The following NEGR1 variants were observed in gnomAD, a reference collection of about 807,000 sequenced individuals.
NEGR1 encodes IgLON family member 4.
NEGR1 carries 10 observed loss-of-function variants against 40.9 expected under a neutral mutation model. That is an observed-to-expected ratio of 0.24 (90% CI 0.15 to 0.42). NEGR1 has a LOEUF of 0.42. Among genes scored for constraint, NEGR1 ranks in the 10% least tolerant of loss-of-function variants. The pLI, the probability that NEGR1 is intolerant of heterozygous loss-of-function variation, is 1.00. For missense variants in NEGR1, 352 were observed against 438.9 expected (o/e 0.80, Z 1.77); for synonymous variants, 185 against 166.8 (o/e 1.11, Z -0.84).
intron 6 of NEGR1, among the ~76,000 whole-genome samples, chr1:71,511,908 A>C (rs975517815): frequency 2.0e-5 from 3 of 152,204 alleles, no homozygotes; most frequent in Non-Finnish European, 4.4e-5. Context: ...TTTAGAATTA[A>C]AGTCAAAGAA....
At chr1:71,450,226 T>G (rs1646616295) in intron 6 of NEGR1, among the ~76,000 whole-genome samples, 1 of 151,626 alleles carries the variant, frequency 6.6e-6, no homozygotes, top group African/African-American at 2.4e-5. Flanking sequence ...CCTGACCTCT[T>G]GATCCACCCG....
rs115662607 is a variant in NEGR1, at chr1:71,587,883, T to C, written c.940+4934A>G. Among the ~76,000 whole-genome samples, 1,189 of 152,220 alleles carry C rather than the reference T, an allele frequency of 7.8e-3. 28 individuals are homozygous for C. Among genetic ancestry groups the C allele is most frequent in the African/African-American group, 0.028 (1,142 of 41,518 alleles). On this transcript the variant is annotated intron_variant, in intron 6 of 6. Coordinates refer to ENST00000357731, the MANE Select transcript of NEGR1 (RefSeq NM_173808.3). ...ACTCAATTTGTACCAAATATTTCCA[T>C]ATATTAGGTCTCAGGAGAGGGTTGT...
chr1:71,985,101 T>C (rs1456121260), intron 1 of NEGR1, among the ~76,000 whole-genome samples: 1 of 152,160 alleles, frequency 6.6e-6, no homozygotes, highest in African/African-American at 2.4e-5. Context: ...CTCCAGGATA[T>C]GGGATCTTAT....
chr1:71,819,776 T>C (rs1658359207), intron 2 of NEGR1, among the ~76,000 whole-genome samples: 1 of 151,984 alleles, frequency 6.6e-6, no homozygotes, highest in Non-Finnish European at 1.5e-5. Flanking sequence ...AGAATTGCCC[T>C]GGTAGGCTCT....
At chr1:71,428,120 C>T (rs1646441381) in intron 6 of NEGR1, among the ~76,000 whole-genome samples, 1 of 152,116 alleles carries the variant, frequency 6.6e-6, no homozygotes, top group Admixed American at 6.5e-5. Flanking sequence ...CTAATTATGG[C>T]AGAAAGTGAG....
At chr1:72,115,860 G>T (rs1649561486) in intron 1 of NEGR1, among the ~76,000 whole-genome samples, 1 of 151,682 alleles carries the variant, frequency 6.6e-6, no homozygotes, top group South Asian at 2.1e-4. Context: ...TGGGGTGGGT[G>T]CCAAAGCACT....
intron 2 of NEGR1, among the ~76,000 whole-genome samples, chr1:71,799,291 G>C (rs1031422795): frequency 6.6e-6 from 1 of 152,030 alleles, no homozygotes; most frequent in Non-Finnish European, 1.5e-5. Flanking sequence ...GAGACCACAC[G>C]GTGTTTGGTT....
At chr1:72,279,709 A>G (rs1023326155) in intron 1 of NEGR1, among the ~76,000 whole-genome samples, 2 of 152,232 alleles carry the variant, frequency 1.3e-5, no homozygotes, top group African/African-American at 4.8e-5. Flanking sequence ...GCATCACCTG[A>G]GTTGCCTATA....
intron 1 of NEGR1, among the ~76,000 whole-genome samples, chr1:72,191,682 T>G (rs577584708): frequency 6.6e-6 from 1 of 152,002 alleles, no homozygotes; most frequent in Non-Finnish European, 1.5e-5. Flanking sequence ...ATGATAAATT[T>G]TTCACAATGC....
At chr1:71,528,967 A>G (rs965263159) in intron 6 of NEGR1, among the ~76,000 whole-genome samples, 1 of 151,142 alleles carries the variant, frequency 6.6e-6, no homozygotes, top group African/African-American at 2.4e-5. Context: ...TTTTTGGTTT[A>G]TTTTTAGGTA....
At chr1:71,896,036 T>TA (rs908797990) in intron 2 of NEGR1, among the ~76,000 whole-genome samples, 1 of 39,170 alleles carries the variant, frequency 2.6e-5, no homozygotes, top group Middle Eastern at 0.014. Context: ...AACGTTTAAC[T>TA]TTTTTTTTTT....
At chr1:72,165,087 T>C (rs1651719987) in intron 1 of NEGR1, among the ~76,000 whole-genome samples, 1 of 152,056 alleles carries the variant, frequency 6.6e-6, no homozygotes, top group Admixed American at 6.6e-5. Context: ...ATCATTGGTA[T>C]TATATTAAAC....
intron 6 of NEGR1, among the ~76,000 whole-genome samples, chr1:71,412,183 C>G (rs775037986): frequency 8.5e-5 from 13 of 152,100 alleles, no homozygotes; most frequent in Non-Finnish European, 1.8e-4. Flanking sequence ...TATCCAGACT[C>G]ACACCGCTTC....
chr1:71,633,427 G>C (rs1322748711), intron 4 of NEGR1, among the ~76,000 whole-genome samples: 1 of 152,064 alleles, frequency 6.6e-6, no homozygotes, highest in Non-Finnish European at 1.5e-5. Context: ...TGCATCTTTT[G>C]TGATTATGTT....
At chr1:72,040,577 CAAAAAAAAAAAAAAAAAAAA>C (rs5775102) in intron 1 of NEGR1, among the ~76,000 whole-genome samples, 1 of 29,684 alleles carries the variant, frequency 3.4e-5, no homozygotes, top group Non-Finnish European at 5.9e-5. Context: ...GAGCACTGAC[CAAAAAAAAAAAAAAAAAAAA>C]AAAAAAAAAA....
rs568284598 is a variant in NEGR1 at position 71,534,666 on chromosome 1, A to C, written c.940+58151T>G. ...AGAGTCTGTATTAGACTACTTAACG[A>C]TGTGAGAATTATTCCATTTTCCATT... On this transcript the variant is annotated intron_variant, in intron 6 of 6. Coordinates refer to ENST00000357731, the MANE Select transcript of NEGR1 (RefSeq NM_173808.3). 4.6e-5 allele frequency among the ~76,000 whole-genome samples: 7 copies of C among 151,832 alleles called. No homozygotes were observed. The South Asian group carries it at 1.4e-3, about 31-fold the overall frequency.
At chr1:71,588,435 T>A (rs1183360572) in intron 6 of NEGR1, among the ~76,000 whole-genome samples, 5 of 152,104 alleles carry the variant, frequency 3.3e-5, no homozygotes, top group Non-Finnish European at 7.4e-5. Context: ...CCCTTCCAAT[T>A]TTGTACTTTT....
At chr1:71,982,420 A>C (rs1244028885) in intron 1 of NEGR1, among the ~76,000 whole-genome samples, 1 of 152,186 alleles carries the variant, frequency 6.6e-6, no homozygotes, top group Non-Finnish European at 1.5e-5. Flanking sequence ...TTGATGGTAC[A>C]ATACAGCCAG....
intron 2 of NEGR1, among the ~76,000 whole-genome samples, chr1:71,882,510 A>G (rs1375329994): frequency 6.6e-6 from 1 of 152,100 alleles, no homozygotes; most frequent in Non-Finnish European, 1.5e-5. Context: ...CATTTAAGGA[A>G]GAGAATGTTT....
Sources: allele counts gnomAD v4.1 joint callset (sites outside exome capture counted in the v4.1 genomes callset), GRCh38; gene constraint gnomAD v4.1.1; transcripts MANE v1.5; gene names NCBI Gene and HGNC (gene_info 2026-07-23, HGNC 2026-07-21).